The following BCKDHB variants were observed in gnomAD, a reference collection of about 807,000 sequenced individuals.
The protein encoded by BCKDHB is branched chain keto acid dehydrogenase E1 subunit beta, also known as 2-oxoisovalerate dehydrogenase subunit beta, mitochondrial.
BCKDHB carries 41 observed loss-of-function variants against 48.5 expected under a neutral mutation model. That is an observed-to-expected ratio of 0.85 (90% confidence interval 0.66 to 1.10). The LOEUF (loss-of-function observed/expected upper bound fraction) is 1.10, where lower values mean the gene tolerates loss of function less well. Among genes scored for constraint, BCKDHB ranks in the 50% least tolerant of loss-of-function variants. The probability of loss-of-function intolerance (pLI) is 0.00; values close to 1 mark genes in which losing one functional copy is unlikely to be tolerated. For synonymous variants in BCKDHB, 201 were observed against 174.8 expected (o/e 1.15, Z -1.18); for missense variants, 496 against 494.2 (o/e 1.00, Z -0.03).
chr6:80,431,122 G>A, the BCKDHB span, among the ~76,000 whole-genome samples: 13 of 152,268 alleles, frequency 8.5e-5, no homozygotes, highest in Admixed American at 3.9e-4. Flanking sequence ...CCATATAGTT[G>A]TGTGGTTTTG....
chr6:80,349,580 A>T (rs981908892), downstream of BCKDHB, among the ~76,000 whole-genome samples: 4 of 152,232 alleles, frequency 2.6e-5, no homozygotes, highest in African/African-American at 9.6e-5. Flanking sequence ...TCTTGAAATA[A>T]ATTGACCTAG....
At position 80,121,813 on chromosome 6, in the gene BCKDHB, T is replaced by G. The variant is rs141543051; in HGVS notation, c.197-5734T>G. 4.0e-3 allele frequency among the ~76,000 whole-genome samples: 606 copies of G among 152,306 alleles called. 2 individuals are homozygous for G. Among genetic ancestry groups the G allele is most frequent in the African/African-American group, 0.014 (567 of 41,560 alleles). ...TCTCATCTGCAAACAGGGACAATTT[T>G]ACTTCCTCTTTTCCTAATTGAAAAC... On this transcript the variant is annotated intron_variant, in intron 1 of 9. Transcript: ENST00000320393.
chr6:80,413,009 A>G, the BCKDHB span, among the ~76,000 whole-genome samples: 2 of 152,042 alleles, frequency 1.3e-5, no homozygotes, highest in Non-Finnish European at 2.9e-5. Flanking sequence ...ACCTATTTGG[A>G]GTTCTTTGGA....
the BCKDHB span, among the ~76,000 whole-genome samples, chr6:80,375,590 A>T: frequency 2.7e-5 from 4 of 150,770 alleles, no homozygotes; most frequent in Non-Finnish European, 4.4e-5. Flanking sequence ...AGTTGGACTT[A>T]CCTTTTCTCT....
In BCKDHB at chr6:80,276,644, A is replaced by G. The variant is rs1491003659; in HGVS notation, c.1038+3423A>G. On this transcript the variant is annotated intron_variant, in intron 9 of 9. Coordinates refer to ENST00000320393, the MANE Select transcript of BCKDHB (RefSeq NM_183050.4). ...GGCTCTTTCATCGTGCAAGGAATTC[A>G]GTGCCCACATCTTAGGTTTGTTTCA... Among the ~76,000 whole-genome samples the G allele has an allele frequency of 3.3e-5, 5 of 151,936 alleles. No individual in the cohort carries two copies. In the East Asian group the frequency reaches 7.7e-4, roughly 23 times the overall value.
chr6:80,388,461 T>A, the BCKDHB span, among the ~76,000 whole-genome samples: 1 of 152,172 alleles, frequency 6.6e-6, no homozygotes, highest in African/African-American at 2.4e-5. Context: ...AACTGAACAT[T>A]TGACTATGGG....
At position 80,167,769 on chromosome 6, in the gene BCKDHB, G is replaced by GC; in HGVS notation, c.435_436insC (p.Glu146ArgfsTer13). The GC allele has an allele frequency of 6.2e-7, 1 of 1,613,844 alleles. No individual in the cohort carries two copies. Among genetic ancestry groups the GC allele is most frequent in the African/African-American group, 1.3e-5 (1 of 75,010 alleles). ...CGGTCACTGGAGCTACTGCCATTGC[G>GC]GAAATTCAGTTTGCAGATTATATTT... On this transcript the variant is annotated frameshift_variant, in exon 4 of 10. Transcript: ENST00000320393. LOFTEE classifies it high-confidence loss of function.
intron 9 of BCKDHB, among the ~76,000 whole-genome samples, chr6:80,304,199 G>C (rs1767735753): frequency 6.6e-6 from 1 of 152,118 alleles, no homozygotes; most frequent in Non-Finnish European, 1.5e-5. Flanking sequence ...ACATTCTTCA[G>C]TTGGAAGATT....
chr6:80,160,909 A>G (rs1772280432), intron 3 of BCKDHB, among the ~76,000 whole-genome samples: 1 of 152,222 alleles, frequency 6.6e-6, no homozygotes, highest in African/African-American at 2.4e-5. Context: ...TTAGTTATCT[A>G]TACTATTGAT....
the BCKDHB span, among the ~76,000 whole-genome samples, chr6:80,442,540 G>A: frequency 1.3e-5 from 2 of 152,094 alleles, no homozygotes; most frequent in Non-Finnish European, 2.9e-5. Context: ...TAGTATTTAA[G>A]CTTAGCCATG....
the BCKDHB span, among the ~76,000 whole-genome samples, chr6:80,464,132 A>C: frequency 1.2e-4 from 18 of 151,910 alleles, no homozygotes; most frequent in Admixed American, 2.0e-4. Flanking sequence ...CTTTATTATT[A>C]TTATTATTCT....
At chr6:80,415,736 T>G in the BCKDHB span, among the ~76,000 whole-genome samples, 1 of 152,092 alleles carries the variant, frequency 6.6e-6, no homozygotes, top group African/African-American at 2.4e-5. Flanking sequence ...ACGTTTCTTT[T>G]TTTGTTGCGT....
At chr6:80,259,839 G>T (rs955915915) in intron 8 of BCKDHB, among the ~76,000 whole-genome samples, 27 of 152,302 alleles carry the variant, frequency 1.8e-4, no homozygotes, top group South Asian at 2.1e-4. Context: ...TAGTTAAGAT[G>T]CACCAAGTGA....
At chr6:80,434,977 A>C in the BCKDHB span, among the ~76,000 whole-genome samples, 12 of 152,034 alleles carry the variant, frequency 7.9e-5, no homozygotes, top group South Asian at 2.5e-3. Flanking sequence ...CTTCTTCAGC[A>C]CTCTTTTCTG....
At chr6:80,257,567 G>A in intron 8 of BCKDHB, among the ~76,000 whole-genome samples, 1 of 151,904 alleles carries the variant, frequency 6.6e-6, no homozygotes, top group Non-Finnish European at 1.5e-5. Flanking sequence ...TAGATGAGAG[G>A]GGATTTATTA....
At chr6:80,340,672 G>A (rs749164542) in intron 9 of BCKDHB, among the ~76,000 whole-genome samples, 3 of 152,168 alleles carry the variant, frequency 2.0e-5, no homozygotes, top group Non-Finnish European at 4.4e-5. Context: ...GAAAATTCAG[G>A]GCACATGGTT....
the BCKDHB span, among the ~76,000 whole-genome samples, chr6:80,458,655 A>G: frequency 6.6e-6 from 1 of 152,212 alleles, no homozygotes; most frequent in African/African-American, 2.4e-5. Flanking sequence ...TAAATGAGAT[A>G]ATTAATGTCA....
At chr6:80,138,340 T>C (rs1474837972) in intron 3 of BCKDHB, among the ~76,000 whole-genome samples, 1 of 152,136 alleles carries the variant, frequency 6.6e-6, no homozygotes, top group Non-Finnish European at 1.5e-5. Flanking sequence ...ATATGCACAA[T>C]GTGCAGGTTA....
At chr6:80,361,505 G>A in the BCKDHB span, among the ~76,000 whole-genome samples, 1 of 152,168 alleles carries the variant, frequency 6.6e-6, no homozygotes, top group South Asian at 2.1e-4. Flanking sequence ...GGAAGGTTAA[G>A]GTGAAATGTG....
Sources: allele counts gnomAD v4.1 joint callset (sites outside exome capture counted in the v4.1 genomes callset), GRCh38; gene constraint gnomAD v4.1.1; transcripts MANE v1.5; gene names NCBI Gene and HGNC (gene_info 2026-07-23, HGNC 2026-07-21).